Variants in PTPRN2 observed in about 807,000 individuals in gnomAD.
The protein encoded by PTPRN2 is protein tyrosine phosphatase receptor type N2.
Under a neutral mutation model 118.8 loss-of-function variants are expected in PTPRN2, and 74 were observed. The observed-to-expected ratio is 0.62, with a 90% CI of 0.52 to 0.76. PTPRN2 has a LOEUF of 0.76. Among genes scored for constraint, PTPRN2 ranks in the 30% least tolerant of loss-of-function variants. The pLI, the probability that PTPRN2 is intolerant of heterozygous loss-of-function variation, is 0.00. For synonymous variants in PTPRN2, 641 were observed against 608.0 expected (o/e 1.05, Z -0.80); for missense variants, 1,481 against 1,394.4 (o/e 1.06, Z -0.99).
intron 6 of PTPRN2, among the ~76,000 whole-genome samples, chr7:158,140,083 G>A (rs552829202): frequency 9.7e-4 from 147 of 152,272 alleles, no homozygotes; most frequent in African/African-American, 2.5e-3. Flanking sequence ...AAGAAAGACC[G>A]TCTTCTTTTC....
intron 1 of PTPRN2, among the ~76,000 whole-genome samples, chr7:158,573,767 A>C (rs1190594597): frequency 6.6e-6 from 1 of 152,196 alleles, no homozygotes; most frequent in Non-Finnish European, 1.5e-5. Flanking sequence ...TAGATGTCCT[A>C]AAAATTAAGC....
At position 157,787,523 on chromosome 7, in the gene PTPRN2, G is replaced by A. The variant is rs535501103; in HGVS notation, c.1789-104586C>T. On this transcript the variant is annotated intron_variant, in intron 12 of 22. Coordinates refer to ENST00000389418, the MANE Select transcript of PTPRN2 (RefSeq NM_002847.5). This position sits in a 1 kb window ranked among gnomAD's most constrained non-coding sequence, Gnocchi z 5.3. ...CCCCACAGTCTAGGGGGCCAGGAGA[G>A]CCCCTGGGCCTCACGTCCTGCTTCT... 6.6e-6 allele frequency among the ~76,000 whole-genome samples: 1 copy of A among 152,284 alleles called. No individual in the cohort carries two copies. The highest frequency in any genetic ancestry group is 1.5e-5 in the Non-Finnish European group (1 of 68,006).
At chr7:158,292,076 C>T (rs372939017) in intron 3 of PTPRN2, among the ~76,000 whole-genome samples, 5 of 152,234 alleles carry the variant, frequency 3.3e-5, no homozygotes, top group East Asian at 1.9e-4. Context: ...GACAAGATTA[C>T]ATTCCATACA....
intron 1 of PTPRN2, among the ~76,000 whole-genome samples, chr7:158,506,705 CCCCCAA>C (rs1822771476): frequency 6.6e-6 from 1 of 151,540 alleles, no homozygotes; most frequent in Admixed American, 6.6e-5. Context: ...CCCCGATCCT[CCCCCAA>C]CCCCACCTCC....
chr7:158,130,654 A>C (rs546629440), intron 9 of PTPRN2, among the ~76,000 whole-genome samples: 9 of 143,686 alleles, frequency 6.3e-5, no homozygotes, highest in African/African-American at 2.4e-4. Flanking sequence ...ATACACATCT[A>C]CCTGACTCAT....
chr7:158,119,367 AC>A (rs1816965971), intron 9 of PTPRN2, among the ~76,000 whole-genome samples: 1 of 152,196 alleles, frequency 6.6e-6, no homozygotes, highest in South Asian at 2.1e-4. Context: ...GAAGAAAAAA[AC>A]CCAGAAAATA....
intron 19 of PTPRN2, among the ~76,000 whole-genome samples, chr7:157,574,139 G>T (rs998991356): frequency 6.6e-6 from 1 of 152,152 alleles, no homozygotes; most frequent in African/African-American, 2.4e-5. Context: ...GTGAGCAAAA[G>T]GTCTCCAACA....
At chr7:158,274,588 G>T (rs138532207) in intron 3 of PTPRN2, among the ~76,000 whole-genome samples, 2 of 151,978 alleles carry the variant, frequency 1.3e-5, no homozygotes, top group Admixed American at 6.6e-5. Context: ...GGACGAGCCC[G>T]AGGCGCTCGG....
At chr7:158,342,407 CCA>C (rs1485196362) in intron 2 of PTPRN2, among the ~76,000 whole-genome samples, 2 of 131,328 alleles carry the variant, frequency 1.5e-5, no homozygotes, top group Admixed American at 7.6e-5. Flanking sequence ...TCACTCACAC[CCA>C]CACTCTCACC....
At chr7:158,395,270 T>C (rs1812263069) in intron 2 of PTPRN2, among the ~76,000 whole-genome samples, 1 of 123,106 alleles carries the variant, frequency 8.1e-6, no homozygotes, top group African/African-American at 3.1e-5. Context: ...CGCCCAGGGC[T>C]GTCCCTGCAC....
At chr7:158,159,621 T>A (rs1183800566) in intron 6 of PTPRN2, among the ~76,000 whole-genome samples, 1 of 151,934 alleles carries the variant, frequency 6.6e-6, no homozygotes, top group Non-Finnish European at 1.5e-5. Flanking sequence ...TGGTGTTTGA[T>A]CAATGAGCAA....
intron 9 of PTPRN2, among the ~76,000 whole-genome samples, chr7:158,129,870 G>C (rs1226260512): frequency 2.0e-5 from 3 of 152,152 alleles, no homozygotes; most frequent in African/African-American, 7.2e-5. Context: ...ACAAACAGGA[G>C]AGCAAGGGCA....
intron 11 of PTPRN2, among the ~76,000 whole-genome samples, chr7:157,983,999 C>T (rs1275095235): frequency 1.3e-5 from 2 of 152,246 alleles, no homozygotes; most frequent in Admixed American, 6.5e-5. Context: ...AGCATCTCTT[C>T]CTGACTCGCA....
intron 9 of PTPRN2, among the ~76,000 whole-genome samples, chr7:158,132,013 T>C (rs1818361780): frequency 1.3e-5 from 1 of 78,456 alleles, no homozygotes; most frequent in Non-Finnish European, 2.3e-5. Context: ...TATGCATAGA[T>C]ACACATCTAT....
intron 11 of PTPRN2, among the ~76,000 whole-genome samples, chr7:157,906,511 C>A (rs148155993): frequency 6.6e-6 from 1 of 152,218 alleles, no homozygotes; most frequent in Non-Finnish European, 1.5e-5. Flanking sequence ...CACCTTCCCT[C>A]GGAGTGGACA....
At chr7:158,085,262 A>G (rs374900291) in intron 10 of PTPRN2, among the ~76,000 whole-genome samples, 63 of 50,568 alleles carry the variant, frequency 1.2e-3, no homozygotes, top group South Asian at 5.0e-3. Flanking sequence ...CACCCATGAC[A>G]CCCATCCACA....
intron 7 of PTPRN2, 80 bp downstream of exon 7, chr7:158,138,214 G>A: frequency 1.6e-6 from 2 of 1,270,826 alleles, no homozygotes; most frequent in South Asian, 2.7e-5. Flanking sequence ...CACTTGGTGA[G>A]CCAGCAGTCT....
chr7:157,792,349 GT>G (rs1804562715), intron 12 of PTPRN2, among the ~76,000 whole-genome samples: 1 of 152,238 alleles, frequency 6.6e-6, no homozygotes, highest in Non-Finnish European at 1.5e-5. Context: ...ATCTCCCTGA[GT>G]TTCAGCTCCC....
chr7:157,653,210 G>A (rs1250638442), intron 14 of PTPRN2, among the ~76,000 whole-genome samples: 5 of 152,180 alleles, frequency 3.3e-5, no homozygotes, highest in South Asian at 2.1e-4. Flanking sequence ...TCATCGGATC[G>A]TGGGGTTCAG....
Sources: allele counts gnomAD v4.1 joint callset (sites outside exome capture counted in the v4.1 genomes callset), GRCh38; gene constraint gnomAD v4.1.1; non-coding constraint Gnocchi (gnomAD v3.1); transcripts MANE v1.5; gene names NCBI Gene and HGNC (gene_info 2026-07-23, HGNC 2026-07-21).